GALNT5: variants seen among roughly 807,000 people sequenced by gnomAD.
GALNT5 encodes the protein UDP-GalNAc:polypeptide N-acetylgalactosaminyltransferase 5.
GALNT5 carries 72 observed loss-of-function variants against 85.4 expected under a neutral mutation model. The ratio of observed to expected loss-of-function variants is 0.84; its 90% CI spans 0.70 to 1.03. The LOEUF (loss-of-function observed/expected upper bound fraction) is 1.03. GALNT5 is among the 50% of genes least tolerant of loss of function. GALNT5 has a pLI of 0.00. For synonymous variants in GALNT5, 404 were observed against 397.0 expected (o/e 1.02, Z -0.21); for missense variants, 1,137 against 1,135.5 (o/e 1.00, Z -0.02).
At chr2:157,306,427 C>G (rs1683457399) in intron 8 of GALNT5, among the ~76,000 whole-genome samples, 1 of 152,182 alleles carries the variant, frequency 6.6e-6, no homozygotes, top group Admixed American at 6.5e-5. Context: ...ACTCCCCAAA[C>G]TCAGAGCGCA....
chr2:157,286,878 C>G (rs550556623), intron 3 of GALNT5, among the ~76,000 whole-genome samples: 1 of 150,038 alleles, frequency 6.7e-6, no homozygotes, highest in East Asian at 1.9e-4. Flanking sequence ...TCCTCACACA[C>G]TTTGTTTAAA....
chr2:157,275,215 TG>T (rs1342045710), intron 1 of GALNT5, among the ~76,000 whole-genome samples: 2 of 152,230 alleles, frequency 1.3e-5, no homozygotes, highest in African/African-American at 4.8e-5. Flanking sequence ...AGTACCATGC[TG>T]TTTTGGTTAC....
At chr2:157,285,994 T>C in intron 2 of GALNT5, 21 bp from the exon 3 acceptor site, 1 of 1,579,600 alleles carries the variant, frequency 6.3e-7, no homozygotes, top group Non-Finnish European at 8.7e-7. Context: ...TATTTCCTGG[T>C]TTATCTTTAC....
At chr2:157,308,036 T>C (rs914633663) in intron 8 of GALNT5, among the ~76,000 whole-genome samples, 13 of 152,192 alleles carry the variant, frequency 8.5e-5, no homozygotes, top group African/African-American at 3.1e-4. Flanking sequence ...GACTTCCACC[T>C]TTCCTACAAT....
chr2:157,297,252 C>T (rs552857840), intron 5 of GALNT5, among the ~76,000 whole-genome samples: 1 of 152,272 alleles, frequency 6.6e-6, no homozygotes, highest in African/African-American at 2.4e-5. Context: ...CCCAAACTTA[C>T]CCCTCAATCA....
At chr2:157,301,065 TG>T in intron 7 of GALNT5, 66 bp downstream of exon 7, 1 of 1,157,134 alleles carries the variant, frequency 8.6e-7, no homozygotes, top group Non-Finnish European at 1.2e-6. Context: ...CTTTCAAAAA[TG>T]TGTGGAAAGA....
At chr2:157,265,170 C>T (rs989196508) in intron 1 of GALNT5, among the ~76,000 whole-genome samples, 10 of 152,116 alleles carry the variant, frequency 6.6e-5, no homozygotes, top group Non-Finnish European at 1.3e-4. Flanking sequence ...TGTGTTAGAG[C>T]ACAGTACTCT....
At chr2:157,303,468 C>T (rs1028831695) in intron 7 of GALNT5, among the ~76,000 whole-genome samples, 2 of 151,760 alleles carry the variant, frequency 1.3e-5, no homozygotes, top group Admixed American at 6.6e-5. Context: ...AATAATACAA[C>T]ATGGATAATT....
chr2:157,285,305 A>G (rs1682945941), intron 2 of GALNT5, among the ~76,000 whole-genome samples: 1 of 152,190 alleles, frequency 6.6e-6, no homozygotes, highest in Admixed American at 6.5e-5. Flanking sequence ...ATAGTACCCA[A>G]TTAGTAAGTA....
intron 7 of GALNT5, among the ~76,000 whole-genome samples, chr2:157,305,118 A>G (rs1683427031): frequency 6.6e-6 from 1 of 152,178 alleles, no homozygotes; most frequent in African/African-American, 2.4e-5. Context: ...TTAAATGGTG[A>G]CTTAAAGAAA....
At chr2:157,265,807 GA>G in intron 1 of GALNT5, among the ~76,000 whole-genome samples, 1 of 152,270 alleles carries the variant, frequency 6.6e-6, no homozygotes, top group East Asian at 1.9e-4. Flanking sequence ...GTTTGCTTTC[GA>G]AATGAAAGGA....
chr2:157,284,181 AGT>A, intron 1 of GALNT5, 99 bp from the exon 2 acceptor site: 2 of 824,170 alleles, frequency 2.4e-6, no homozygotes, highest in Non-Finnish European at 4.1e-6. Flanking sequence ...TGACAGATTA[AGT>A]GTGTGTGTAT....
At chr2:157,295,946 C>A in intron 4 of GALNT5, 148 bp downstream of exon 4, 1 of 604,208 alleles carries the variant, frequency 1.7e-6, no homozygotes, top group Non-Finnish European at 2.8e-6. Context: ...AAAACATGGT[C>A]GATATCTTGG....
chr2:157,267,124 C>G (rs1682473731), intron 1 of GALNT5, among the ~76,000 whole-genome samples: 1 of 152,162 alleles, frequency 6.6e-6, no homozygotes, highest in Non-Finnish European at 1.5e-5. Context: ...AAAGCTAAAC[C>G]TGTCCTGGGA....
chr2:157,278,554 TC>T (rs1390786861), intron 1 of GALNT5, among the ~76,000 whole-genome samples: 8 of 152,212 alleles, frequency 5.3e-5, no homozygotes, highest in Admixed American at 5.2e-4. Context: ...TCACCCCATT[TC>T]ATTAATTTGA....
intron 1 of GALNT5, among the ~76,000 whole-genome samples, chr2:157,274,394 G>A (rs1682671308): frequency 1.3e-5 from 2 of 152,164 alleles, no homozygotes; most frequent in Admixed American, 1.3e-4. Context: ...AGATCCCTGA[G>A]GAATCGCCAG....
rs756193514 is a variant in GALNT5 at position 157,299,611 on chromosome 2, A to G, written c.2061A>G (p.Thr687=). 5 of 1,613,608 alleles carry G rather than the reference A, an allele frequency of 3.1e-6. No individual in the cohort carries two copies. Among genetic ancestry groups the G allele is most frequent in the East Asian group, 2.2e-5 (1 of 44,854 alleles). The part of the protein sequence containing the change: ...IDKSYFFELG[T]YDPGLDVWGG... ...AAAGTTACTTTTTTGAACTTGGAAC[A>G]TACGACCCTGGCCTTGATGTTTGGG... Residue 687 remains threonine, a synonymous_variant, in exon 6 of 10, where the codon ACA becomes ACG. Transcript: ENST00000259056.
intron 8 of GALNT5, among the ~76,000 whole-genome samples, chr2:157,306,115 A>G (rs1316851298): frequency 6.6e-6 from 1 of 152,196 alleles, no homozygotes; most frequent in Non-Finnish European, 1.5e-5. Context: ...TGGTAGTGAT[A>G]ATCATGCCTA....
rs780498608 is a variant in GALNT5, at chr2:157,295,818, C to G, written c.1877+20C>G. 3 of 1,568,816 alleles carry G rather than the reference C, an allele frequency of 1.9e-6. No individual in the cohort carries two copies. The South Asian group carries it at 3.4e-5, about 18-fold the overall frequency. The stretch of plus-strand genomic sequence containing the variant: ...TATGAGGTAATATTTACACATTCCA[C>G]AAGATACTTTCAAGCACATCTTTAA... On this transcript the variant is annotated intron_variant, in intron 4 of 9. Transcript: ENST00000259056.
Sources: allele counts gnomAD v4.1 joint callset (sites outside exome capture counted in the v4.1 genomes callset), GRCh38; gene constraint gnomAD v4.1.1; transcripts MANE v1.5; gene names NCBI Gene and HGNC (gene_info 2026-07-23, HGNC 2026-07-21).